Variants in FIGNL2 observed in about 807,000 individuals in gnomAD.
FIGNL2 encodes fidgetin-like protein 2.
For synonymous variants in FIGNL2, 565 were observed against 484.0 expected (o/e 1.17, Z -2.20); for missense variants, 1,060 against 950.2 (o/e 1.12, Z -1.52).
chr12:51,839,853 C>G (rs577704104), intron 1 of FIGNL2, among the ~76,000 whole-genome samples: 23 of 152,330 alleles, frequency 1.5e-4, no homozygotes, highest in African/African-American at 5.5e-4. Flanking sequence ...GCAGCTCTCT[C>G]TCTACCCTGA....
At chr12:51,834,354 C>T (rs1047573032) in intron 1 of FIGNL2, among the ~76,000 whole-genome samples, 1 of 152,134 alleles carries the variant, frequency 6.6e-6, no homozygotes, top group Non-Finnish European at 1.5e-5. Flanking sequence ...ATCTCAGCCC[C>T]CCAGAGACTC....
At chr12:51,833,957 A>G (rs1209764949) in intron 1 of FIGNL2, among the ~76,000 whole-genome samples, 1 of 151,644 alleles carries the variant, frequency 6.6e-6, no homozygotes, top group Admixed American at 6.6e-5. Flanking sequence ...AGACGGACGG[A>G]TGGATGGATG....
intron 1 of FIGNL2, among the ~76,000 whole-genome samples, chr12:51,834,069 A>ACGGATGGG (rs1939529949): frequency 1.3e-5 from 2 of 149,922 alleles, no homozygotes; most frequent in Middle Eastern, 3.2e-3. Context: ...AGATGGACAG[A>ACGGATGGG]TGGATGAATA....
chr12:51,834,592 T>TA (rs1939549768), intron 1 of FIGNL2, among the ~76,000 whole-genome samples: 1 of 152,362 alleles, frequency 6.6e-6, no homozygotes, highest in Non-Finnish European at 1.5e-5. Context: ...GCTCTGGCCC[T>TA]GGTCTTCTCA....
At chr12:51,825,715 C>A (rs1939327718) in intron 1 of FIGNL2, 1 of 151,084 alleles carries the variant, frequency 6.6e-6, no homozygotes, top group African/African-American at 2.4e-5. Flanking sequence ...CTCCCGGGTT[C>A]ACGCCATTCT....
In FIGNL2 at chr12:51,821,450, C is replaced by T. The variant is rs575038740; in HGVS notation, c.964G>A (p.Gly322Ser). 2.3e-5 allele frequency: 36 copies of T among 1,538,872 alleles called. No individual in the cohort carries two copies. In the East Asian group the frequency reaches 3.3e-4, roughly 14 times the overall value. Residue 322 changes from glycine to serine, a missense_variant, in exon 2 of 2, where the codon GGC (glycine) becomes AGC (serine). Physicochemically the swap from Gly to Ser is moderately conservative, Grantham distance 56. Transcript: ENST00000618634. ...AGGGGGACGCCGCCACCGTACTTGC[C>T]CGACGCCTCCTCCGCGGCTCCTGGC... ...KPPGAAEEAS[G>S]KYGGGVPLKV...
At chr12:51,845,667 G>T (rs1469063091) in intron 1 of FIGNL2, 6 of 985,316 alleles carry the variant, frequency 6.1e-6, no homozygotes, top group Non-Finnish European at 7.2e-6. Flanking sequence ...AGAAGGCACA[G>T]GGAAGGTGAG....
intron 1 of FIGNL2, among the ~76,000 whole-genome samples, chr12:51,838,996 G>A (rs546998116): frequency 2.6e-5 from 4 of 152,112 alleles, no homozygotes; most frequent in Non-Finnish European, 5.9e-5. Context: ...TCTGACCTGT[G>A]TCCTGGGACA....
Position 51,821,249 on chromosome 12 carries a change from C to T in FIGNL2, c.1165G>A (p.Val389Met), listed in dbSNP as rs965826465. 1.3e-6 allele frequency: 2 copies of T among 1,526,194 alleles called. No homozygotes were observed. Among genetic ancestry groups the T allele is most frequent in the Non-Finnish European group, 8.8e-7 (1 of 1,142,664 alleles). The allele number at this position is 1,526,194 out of a possible 1,614,324, so 94.5% of individuals were successfully genotyped here. The part of the protein sequence containing the change: ...TSKMVDCGPP[V>M]QWADVAGQGA... ...TGGCCCGCCACATCCGCCCACTGCA[C>T]CGGGGGCCCGCAGTCCACCATCTTG... The change falls in exon 2 of 2, where the codon GTG becomes ATG. Residue 389 changes from valine (V) to methionine (M), a missense_variant. Val to Met is a conservative substitution (Grantham distance 21). Coordinates refer to ENST00000618634, the MANE Select transcript of FIGNL2 (RefSeq NM_001384995.1).
chr12:51,848,103 C>A (rs1939791461), intron 1 of FIGNL2: 2 of 982,402 alleles, frequency 2.0e-6, no homozygotes, highest in Non-Finnish European at 2.4e-6. Flanking sequence ...ACACAGGGGC[C>A]GCTGGACAAA....
At chr12:51,844,402 A>G in intron 1 of FIGNL2, among the ~76,000 whole-genome samples, 1 of 152,168 alleles carries the variant, frequency 6.6e-6, no homozygotes, top group South Asian at 2.1e-4. Context: ...AAAGGAAAAG[A>G]CAGAAGGCAC....
intron 1 of FIGNL2, among the ~76,000 whole-genome samples, chr12:51,833,986 C>T (rs112485027): frequency 2.6e-4 from 19 of 72,130 alleles, no homozygotes; most frequent in South Asian, 1.1e-3. Flanking sequence ...GACAAATGGA[C>T]GGATGGATGG....
rs769847773 is a variant in FIGNL2 at position 51,820,852 on chromosome 12, C to T, written c.1562G>A (p.Gly521Asp). ...QVPLLACLDGGCGAGADGVLV... is the reference protein window; with the variant it reads ...QVPLLACLDGDCGAGADGVLV... ...CACGCCGTCAGCCCCCGCGCCGCAGCCCCCGTCCAGGCAGGCCAGGAGCGG... is the reference window on the plus strand; with the variant it reads ...CACGCCGTCAGCCCCCGCGCCGCAGTCCCCGTCCAGGCAGGCCAGGAGCGG... Residue 521 changes from glycine (G) to aspartate (D), a missense_variant, in exon 2 of 2, where the codon GGC (glycine) becomes GAC (aspartate). Transcript: ENST00000618634. The T allele has an allele frequency of 9.6e-6, 14 of 1,452,172 alleles. 1 individual carries two copies. In the South Asian group the frequency reaches 1.5e-4, roughly 15 times the overall value. The allele number at this position is 1,452,172 out of a possible 1,614,324, so 90.0% of individuals were successfully genotyped here.
intron 1 of FIGNL2, among the ~76,000 whole-genome samples, chr12:51,840,645 G>T (rs895827036): frequency 3.3e-5 from 5 of 152,156 alleles, no homozygotes; most frequent in Non-Finnish European, 5.9e-5. Context: ...TGAGGCAAGA[G>T]AATTGCTTGA....
At chr12:51,833,868 T>A (rs1361887815) in intron 1 of FIGNL2, among the ~76,000 whole-genome samples, 1 of 152,116 alleles carries the variant, frequency 6.6e-6, no homozygotes, top group Admixed American at 6.5e-5. Context: ...GACTTTGTTT[T>A]GTTCACTGTT....
At chr12:51,823,486 C>T (rs2138975321) in intron 1 of FIGNL2, 1 of 152,338 alleles carries the variant, frequency 6.6e-6, no homozygotes, top group African/African-American at 2.4e-5. Flanking sequence ...TCCTTCTTGC[C>T]ATCCATGCTG....
In FIGNL2 at chr12:51,820,471, A is replaced by C. The variant is rs775709935; in HGVS notation, c.1943T>G (p.Met648Arg). ...GCGCCGTCAGTGTCCGGAGCCGTAC[A>C]TTTTGTCCCACTCCACGAACGAGTC... Reference protein sequence around the residue: ...ELDSFVEWDKMYGSGH With the variant: ...ELDSFVEWDKRYGSGH The change falls in exon 2 of 2, where the codon ATG becomes AGG. Residue 648 changes from methionine to arginine, a missense_variant. Physicochemically the swap from Met to Arg is moderately conservative, Grantham distance 91 (BLOSUM62 -1). Transcript: ENST00000618634. The C allele has an allele frequency of 6.3e-7, 1 of 1,590,600 alleles. No homozygotes were observed. Among genetic ancestry groups the C allele is most frequent in the African/African-American group, 1.3e-5 (1 of 74,618 alleles).
In FIGNL2 at chr12:51,821,812, G is replaced by C; in HGVS notation, c.602C>G (p.Pro201Arg). 7.8e-7 allele frequency: 1 copy of C among 1,274,436 alleles called. No homozygotes were observed. 78.9% of individuals were successfully genotyped at this position (1,274,436 alleles called of 1,614,324 possible). A position where few individuals can be genotyped will look rare whatever the true frequency, so the allele number is the denominator to read the frequency against. ...PPPPGYGPSA[P>R]LYNYPAGGYA... Reference sequence around the variant, plus strand: ...GCCCCCTGCGGGATAGTTGTACAGCGGCGCTGAGGGCCCGTACCCCGGAGG... The same window carrying C: ...GCCCCCTGCGGGATAGTTGTACAGCCGCGCTGAGGGCCCGTACCCCGGAGG... The change falls in exon 2 of 2, where the codon CCG becomes CGG. Residue 201 changes from proline (P) to arginine (R), a missense_variant. Transcript: ENST00000618634.
chr12:51,844,723 C>A (rs1565949047), intron 1 of FIGNL2: 3 of 985,358 alleles, frequency 3.0e-6, no homozygotes, highest in African/African-American at 1.7e-5. Flanking sequence ...TTCCTGGAGA[C>A]AAGTGGACCC....
Sources: gnomAD v4.1 joint callset for allele counts (sites outside exome capture counted in the v4.1 genomes callset) on GRCh38, gnomAD v4.1.1 for gene constraint, MANE v1.5 for transcripts, NCBI Gene and HGNC (gene_info 2026-07-23, HGNC 2026-07-21) for gene names.